The following PDZRN4 variants were observed in gnomAD, a reference collection of about 807,000 sequenced individuals.
The protein encoded by PDZRN4 is PDZ domain containing ring finger 4, also known as PDZ domain-containing RING finger protein 4.
A neutral mutation model predicts 99.0 loss-of-function variants in PDZRN4; 70 were observed. The ratio of observed to expected loss-of-function variants is 0.71; its 90% CI spans 0.58 to 0.86. PDZRN4 has a LOEUF of 0.86. PDZRN4 is among the 40% of genes least tolerant of loss of function. The probability of loss-of-function intolerance (pLI) is 0.00; values close to 1 mark genes in which losing one functional copy is unlikely to be tolerated. For synonymous variants in PDZRN4, 551 were observed against 501.6 expected (o/e 1.10, Z -1.32); for missense variants, 1,474 against 1,331.2 (o/e 1.11, Z -1.67).
rs12306144 is a variant in PDZRN4 at position 41,511,382 on chromosome 12, G to A, written c.1203+1469G>A. On this transcript the variant is annotated intron_variant, in intron 5 of 9. Transcript: ENST00000402685. ...CTTTTTTGACCAATATTAATCCCCAGCAGAAGCCAGCATCAGGATGATGTC... is the reference window on the plus strand; with the variant it reads ...CTTTTTTGACCAATATTAATCCCCAACAGAAGCCAGCATCAGGATGATGTC... 5.2e-3 allele frequency among the ~76,000 whole-genome samples: 794 copies of A among 151,922 alleles called. 10 individuals carry two copies. The highest frequency in any genetic ancestry group is 0.018 in the African/African-American group (757 of 41,452).
At chr12:41,519,287 A>G (rs539286908) in intron 5 of PDZRN4, among the ~76,000 whole-genome samples, 1 of 152,148 alleles carries the variant, frequency 6.6e-6, no homozygotes, top group African/African-American at 2.4e-5. Context: ...CTGTGTTCTG[A>G]GCATTTACGG....
intron 3 of PDZRN4, among the ~76,000 whole-genome samples, chr12:41,432,720 T>A (rs913708883): frequency 3.3e-5 from 5 of 152,190 alleles, no homozygotes; most frequent in African/African-American, 1.2e-4. Flanking sequence ...ATTCAGAAGT[T>A]GAAGAAGTTA....
At chr12:41,371,611 C>T (rs1026590619) in intron 3 of PDZRN4, among the ~76,000 whole-genome samples, 1 of 152,108 alleles carries the variant, frequency 6.6e-6, no homozygotes, top group Non-Finnish European at 1.5e-5. Context: ...ACTGCCTGAG[C>T]TATCATGGCA....
chr12:41,466,769 G>A (rs879557358), intron 3 of PDZRN4, among the ~76,000 whole-genome samples: 3 of 62,486 alleles, frequency 4.8e-5, no homozygotes, highest in African/African-American at 2.0e-4. Context: ...TTTTTTTTTT[G>A]GTTTTGTTTT....
chr12:41,189,151 A>T (rs1950718827), intron 1 of PDZRN4, 48 bp downstream of exon 1: 1 of 1,533,098 alleles, frequency 6.5e-7, no homozygotes, highest in Non-Finnish European at 8.8e-7. Flanking sequence ...TTGGGGTGGG[A>T]AAAGGAGCGG....
chr12:41,346,427 A>T (rs905644410), intron 3 of PDZRN4, among the ~76,000 whole-genome samples: 1 of 152,218 alleles, frequency 6.6e-6, no homozygotes, highest in South Asian at 2.1e-4. Flanking sequence ...GCGCCACTGC[A>T]GTCAGGCCTG....
At chr12:41,232,653 G>C (rs1259603926) in intron 3 of PDZRN4, among the ~76,000 whole-genome samples, 4 of 150,744 alleles carry the variant, frequency 2.7e-5, no homozygotes, top group Non-Finnish European at 4.4e-5. Flanking sequence ...GATTTTTGCT[G>C]TGCAGAAGCT....
At chr12:41,227,474 G>C (rs527352038) in intron 3 of PDZRN4, among the ~76,000 whole-genome samples, 6 of 152,132 alleles carry the variant, frequency 3.9e-5, no homozygotes, top group African/African-American at 1.4e-4. Flanking sequence ...AAACCAGCCT[G>C]GGCAACATGG....
chr12:41,476,681 G>T (rs1275032319), intron 3 of PDZRN4, among the ~76,000 whole-genome samples: 7 of 152,164 alleles, frequency 4.6e-5, no homozygotes, highest in African/African-American at 1.7e-4. Context: ...TTTCAGAAAG[G>T]TGACACATTG....
At chr12:41,297,829 GA>G (rs891456508) in intron 3 of PDZRN4, among the ~76,000 whole-genome samples, 4 of 152,090 alleles carry the variant, frequency 2.6e-5, no homozygotes, top group African/African-American at 4.8e-5. Context: ...TAACCAAACT[GA>G]CTATTAGGCT....
chr12:41,223,948 G>A (rs865994897), intron 3 of PDZRN4, among the ~76,000 whole-genome samples: 1 of 152,198 alleles, frequency 6.6e-6, no homozygotes, highest in African/African-American at 2.4e-5. Context: ...TTTCAGCCAC[G>A]GCCTTCCACT....
At chr12:41,234,525 A>T (rs1489223499) in intron 3 of PDZRN4, among the ~76,000 whole-genome samples, 1 of 152,250 alleles carries the variant, frequency 6.6e-6, no homozygotes, top group East Asian at 1.9e-4. Context: ...ACTGATAGAG[A>T]TATCTAACTA....
intron 3 of PDZRN4, among the ~76,000 whole-genome samples, chr12:41,321,146 A>C (rs910217063): frequency 2.6e-5 from 4 of 152,152 alleles, no homozygotes; most frequent in African/African-American, 9.7e-5. Context: ...TCTCATATGC[A>C]CTTTTTAAAA....
At chr12:41,497,126 T>A (rs969207546) in intron 3 of PDZRN4, among the ~76,000 whole-genome samples, 2 of 152,140 alleles carry the variant, frequency 1.3e-5, no homozygotes, top group African/African-American at 4.8e-5. Context: ...TACATCCTTT[T>A]GTGCTCTCAT....
chr12:41,541,670 G>T (rs901358534), intron 5 of PDZRN4, among the ~76,000 whole-genome samples: 2 of 151,680 alleles, frequency 1.3e-5, no homozygotes, highest in Non-Finnish European at 2.9e-5. Context: ...AGCCAGGATG[G>T]TCTTGACCTC....
At chr12:41,277,468 G>A (rs936918439) in intron 3 of PDZRN4, among the ~76,000 whole-genome samples, 2 of 152,180 alleles carry the variant, frequency 1.3e-5, no homozygotes, top group Non-Finnish European at 1.5e-5. Context: ...CATTCTGAGC[G>A]TTGTGAACTC....
At chr12:41,387,375 G>A (rs1477291399) in intron 3 of PDZRN4, among the ~76,000 whole-genome samples, 1 of 152,108 alleles carries the variant, frequency 6.6e-6, no homozygotes, top group Non-Finnish European at 1.5e-5. Context: ...CCTAAGCTCA[G>A]GAGTTTGCAA....
chr12:41,437,530 A>G (rs570721225), intron 3 of PDZRN4, among the ~76,000 whole-genome samples: 122 of 152,228 alleles, frequency 8.0e-4, no homozygotes, highest in South Asian at 1.7e-3. Flanking sequence ...GTTTAACCAC[A>G]CTACATTTGC....
At chr12:41,264,199 T>G (rs1357125166) in intron 3 of PDZRN4, among the ~76,000 whole-genome samples, 2 of 152,168 alleles carry the variant, frequency 1.3e-5, no homozygotes, top group African/African-American at 2.4e-5. Context: ...ATGAAAACAT[T>G]GTATTGGCAG....
Sources: allele counts gnomAD v4.1 joint callset (sites outside exome capture counted in the v4.1 genomes callset), GRCh38; gene constraint gnomAD v4.1.1; transcripts MANE v1.5; gene names NCBI Gene and HGNC (gene_info 2026-07-23, HGNC 2026-07-21).